MLF1: variants seen among roughly 807,000 people sequenced by gnomAD.
MLF1 encodes myelodysplasia-myeloid leukemia factor 1.
A neutral mutation model predicts 38.3 loss-of-function variants in MLF1; 37 were observed. That is an observed-to-expected ratio of 0.96 (90% confidence interval 0.74 to 1.27). The LOEUF is 1.27. Among genes scored for constraint, MLF1 ranks in the 50% most tolerant of loss-of-function variants. MLF1 has a pLI of 0.00. For missense variants in MLF1, 331 were observed against 349.2 expected, an observed-to-expected ratio of 0.95 and a Z score of 0.42; for synonymous variants, 95 against 106.5, an observed-to-expected ratio of 0.89 and a Z score of 0.66.
chr3:158,589,598 A>G (rs1448838080), intron 1 of MLF1, among the ~76,000 whole-genome samples: 1 of 152,234 alleles, frequency 6.6e-6, no homozygotes, highest in Non-Finnish European at 1.5e-5. Context: ...CTCTAGAAGA[A>G]CTTATACTCT....
intron 1 of MLF1, among the ~76,000 whole-genome samples, chr3:158,588,021 A>AT (rs1717508247): frequency 6.6e-6 from 1 of 151,962 alleles, no homozygotes; most frequent in Admixed American, 6.6e-5. Flanking sequence ...AAATTAATTA[A>AT]ATTAAAGAGC....
chr3:158,572,755 AGAG>A (rs1480891949), intron 1 of MLF1, among the ~76,000 whole-genome samples: 1 of 66,520 alleles, frequency 1.5e-5, no homozygotes, highest in Admixed American at 1.8e-4. Context: ...TGAGGTGGAC[AGAG>A]GAGAGTTGAT....
At chr3:158,578,487 T>G (rs1260708092) in intron 1 of MLF1, among the ~76,000 whole-genome samples, 1 of 150,650 alleles carries the variant, frequency 6.6e-6, no homozygotes, top group Admixed American at 6.6e-5. Context: ...TATGTACGTA[T>G]GTACATACAT....
chr3:158,592,760 A>G (rs1718342396), intron 2 of MLF1, among the ~76,000 whole-genome samples, 179 bp downstream of exon 2: 2 of 152,214 alleles, frequency 1.3e-5, no homozygotes, highest in Admixed American at 6.5e-5. Context: ...CTTGTCAGCT[A>G]TATGGAATTT....
chr3:158,582,642 T>C (rs1245163351), intron 1 of MLF1: 1 of 379,526 alleles, frequency 2.6e-6, no homozygotes, highest in African/African-American at 2.1e-5. Context: ...TAATTATATC[T>C]GACTTCTCTT....
At chr3:158,576,613 C>G (rs62287935) in intron 1 of MLF1, among the ~76,000 whole-genome samples, 62 of 151,966 alleles carry the variant, frequency 4.1e-4, no homozygotes, top group African/African-American at 1.4e-3. Flanking sequence ...TATGTTACCA[C>G]TTACCAGCTA....
chr3:158,572,611 A>C, intron 1 of MLF1, among the ~76,000 whole-genome samples: 1 of 95,826 alleles, frequency 1.0e-5, no homozygotes, highest in East Asian at 3.7e-4. Context: ...GGTAGGGGGA[A>C]GAGGTTTGAG....
In MLF1 at chr3:158,593,379, C is replaced by G; in HGVS notation, c.196-3C>G. The G allele has an allele frequency of 6.5e-7, 1 of 1,546,630 alleles. No individual in the cohort carries two copies. Among genetic ancestry groups the G allele is most frequent in the Non-Finnish European group, 8.7e-7 (1 of 1,151,838 alleles). On this transcript the variant is annotated splice_region_variant and splice_polypyrimidine_tract_variant and intron_variant, in intron 2 of 7. Transcript: ENST00000466246. ...TCAAATGAATTGGATATTATTTTTC[C>G]AGGCAACGAGTTGTTCTCTTGTGCC...
At chr3:158,593,477 T>C in intron 3 of MLF1, 51 bp downstream of exon 3, 1 of 1,406,588 alleles carries the variant, frequency 7.1e-7, no homozygotes. Context: ...TGACAAATAT[T>C]TATTTTTCAT....
In MLF1 at chr3:158,589,421, A is replaced by C. The variant is rs533885220; in HGVS notation, c.48-3013A>C. On this transcript the variant is annotated intron_variant, in intron 1 of 7. Coordinates refer to ENST00000466246, the MANE Select transcript of MLF1 (RefSeq NM_001369783.1). The stretch of plus-strand genomic sequence containing the variant: ...GAAACGGGGTTTCACCATGTTGGCC[A>C]GGCTCTTCTCAAGCTCTTGACTTCG... Among the ~76,000 whole-genome samples the C allele has an allele frequency of 3.3e-5, 5 of 152,180 alleles. No individual in the cohort carries two copies. In the South Asian group the frequency reaches 1.0e-3, roughly 32 times the overall value.
chr3:158,601,710 T>A (rs913109926), intron 6 of MLF1, among the ~76,000 whole-genome samples: 1 of 150,322 alleles, frequency 6.7e-6, no homozygotes, highest in Non-Finnish European at 1.5e-5. Context: ...TGAGCCAAGA[T>A]CACGCATTGC....
At chr3:158,599,042 A>G (rs1719329887) in intron 5 of MLF1, among the ~76,000 whole-genome samples, 2 of 151,990 alleles carry the variant, frequency 1.3e-5, no homozygotes, top group South Asian at 2.1e-4. Flanking sequence ...ATATGAATAT[A>G]TTATGATTAA....
chr3:158,582,517 CA>C (rs898486931), intron 1 of MLF1: 162 of 206,890 alleles, frequency 7.8e-4, no homozygotes, highest in Non-Finnish European at 1.1e-3. Flanking sequence ...AGAATAAATG[CA>C]AAAAAAAATT....
At chr3:158,598,616 A>T (rs1333633384) in intron 5 of MLF1, among the ~76,000 whole-genome samples, 1 of 152,186 alleles carries the variant, frequency 6.6e-6, no homozygotes, top group Non-Finnish European at 1.5e-5. Context: ...GGATATAGAG[A>T]ATAACATAAT....
intron 1 of MLF1, among the ~76,000 whole-genome samples, chr3:158,591,899 C>T (rs896307716): frequency 1.3e-5 from 2 of 151,980 alleles, no homozygotes; most frequent in Non-Finnish European, 2.9e-5. Context: ...AACAGGTTTT[C>T]ATTAATTTTA....
At chr3:158,597,302 A>C (rs2108635892) in intron 4 of MLF1, among the ~76,000 whole-genome samples, 1 of 152,224 alleles carries the variant, frequency 6.6e-6, no homozygotes, top group East Asian at 1.9e-4. Flanking sequence ...ATTCTATTGA[A>C]AGTCACTATT....
chr3:158,596,252 A>G (rs936791466), intron 3 of MLF1, among the ~76,000 whole-genome samples: 1 of 152,118 alleles, frequency 6.6e-6, no homozygotes, highest in African/African-American at 2.4e-5. Context: ...TTTTCTGAAG[A>G]CACATACCTC....
At chr3:158,599,117 T>C (rs1173617360) in intron 5 of MLF1, among the ~76,000 whole-genome samples, 4 of 152,210 alleles carry the variant, frequency 2.6e-5, no homozygotes, top group Admixed American at 6.5e-5. Flanking sequence ...CTATGTAATA[T>C]CCAAAATATG....
rs947771276 is a variant in MLF1 at position 158,605,663 on chromosome 3, T to C, written c.*461T>C. On this transcript the variant is annotated 3_prime_UTR_variant, in exon 8 of 8. Transcript: ENST00000466246. ...ATTTATCTCTAATTTTATAATGTGT[T>C]GTAAAGCCAACTAGCTTAAAACTTT... The C allele has an allele frequency of 5.4e-6, 1 of 185,028 alleles. No individual in the cohort carries two copies. Among genetic ancestry groups the C allele is most frequent in the Non-Finnish European group, 1.1e-5 (1 of 87,472 alleles). 11.5% of individuals were successfully genotyped at this position (185,028 alleles called of 1,614,324 possible).
Sources: gnomAD v4.1 joint callset for allele counts (sites outside exome capture counted in the v4.1 genomes callset) on GRCh38, gnomAD v4.1.1 for gene constraint, MANE v1.5 for transcripts, NCBI Gene and HGNC (gene_info 2026-07-23, HGNC 2026-07-21) for gene names.